Variants in ZNF831 observed in about 807,000 individuals in gnomAD.
ZNF831 encodes zinc finger protein 831.
Under a neutral mutation model 95.8 loss-of-function variants are expected in ZNF831, and 59 were observed. The observed-to-expected ratio is 0.62, with a 90% CI of 0.50 to 0.77. The LOEUF (loss-of-function observed/expected upper bound fraction) is 0.77. Among genes scored for constraint, ZNF831 ranks in the 30% least tolerant of loss-of-function variants. The pLI is 0.00. For missense variants in ZNF831, 2,205 were observed against 2,164.0 expected (o/e 1.02, Z -0.38); for synonymous variants, 961 against 925.5 (o/e 1.04, Z -0.70).
rs1269367788 is a variant in ZNF831 at position 59,193,328 on chromosome 20, G to C, written c.2309G>C (p.Gly770Ala). 1.2e-6 allele frequency: 2 copies of C among 1,613,170 alleles called. No individual in the cohort carries two copies. Among genetic ancestry groups the C allele is most frequent in the Non-Finnish European group, 1.7e-6 (2 of 1,179,598 alleles). The change falls in exon 2 of 6, where the codon GGG becomes GCG. Residue 770 changes from glycine to alanine, a missense_variant. Gly to Ala is a moderately conservative substitution (Grantham distance 60). Transcript: ENST00000371030. ...CCCCCAGCACCTGGCCCCCTCAAAG[G>C]GGGTGATGTAGAGGCTCCCAGGCCA... ...QMPPAPGPLKGGDVEAPRPVW... is the reference protein window; with the variant it reads ...QMPPAPGPLKAGDVEAPRPVW...
rs978862398 is a variant in ZNF831, at chr20:59,194,042, C to A, written c.3023C>A (p.Pro1008His). The A allele has an allele frequency of 1.2e-5, 19 of 1,527,446 alleles. No individual in the cohort carries two copies. Among genetic ancestry groups the A allele is most frequent in the East Asian group, 9.1e-5 (4 of 44,188 alleles). 94.6% of individuals were successfully genotyped at this position (1,527,446 alleles called of 1,614,324 possible). The change falls in exon 2 of 6, where the codon CCC (proline) becomes CAC (histidine). Residue 1008 changes from proline (P) to histidine (H), a missense_variant. By Grantham distance (77) the Pro-to-His change is moderately conservative. Coordinates refer to ENST00000371030, the MANE Select transcript of ZNF831 (RefSeq NM_178457.3). ...GAGGCGGACAGCATCCTGGAGGACC[C>A]CAGCTGTTCCAGGCCACAGGATGGG... ...PGEADSILED[P>H]SCSRPQDGRK... is the part of the protein sequence containing the mutation.
rs61742487 is a variant in ZNF831, at chr20:59,191,166, C to A, written c.147C>A (p.Ala49=). Residue 49 remains alanine, a synonymous_variant, in exon 2 of 6, where the codon GCC becomes GCA. Transcript: ENST00000371030. Reference sequence around the variant, plus strand: ...TTCTGCCGCCAGAGCAGGGCCTGGCCCCCCCCACTGTGTTCCTGAAGGCCC... The same window carrying A: ...TTCTGCCGCCAGAGCAGGGCCTGGCACCCCCCACTGTGTTCCTGAAGGCCC... ...PVLLPPEQGL[A]PPTVFLKALP... is the part of the protein sequence containing the mutation. 6.4e-4 allele frequency: 1,029 copies of A among 1,602,382 alleles called. 6 individuals are homozygous for A. The African/African-American group carries it at 0.011, about 18-fold the overall frequency.
chr20:59,237,929 G>T (rs1409099900), intron 4 of ZNF831, among the ~76,000 whole-genome samples: 1 of 152,126 alleles, frequency 6.6e-6, no homozygotes, highest in Non-Finnish European at 1.5e-5. Context: ...TGGATGGCCA[G>T]ATTTTGCAAA....
chr20:59,162,436 T>C (rs1034481778), upstream of ZNF831, among the ~76,000 whole-genome samples: 4 of 152,198 alleles, frequency 2.6e-5, no homozygotes, highest in African/African-American at 4.8e-5. Flanking sequence ...TTGTATATAT[T>C]GAGAGGTAAG....
chr20:59,195,717 A>G, intron 2 of ZNF831, 152 bp from the exon 3 acceptor site: 1 of 1,457,058 alleles, frequency 6.9e-7, no homozygotes, highest in Non-Finnish European at 9.1e-7. Context: ...TGCCTGGTTG[A>G]ACTTCTCAGG....
intron 4 of ZNF831, among the ~76,000 whole-genome samples, chr20:59,219,476 C>T (rs1485952283): frequency 2.6e-5 from 4 of 152,248 alleles, no homozygotes; most frequent in Middle Eastern, 3.4e-3. Flanking sequence ...GCGGTGAGCT[C>T]GCTGATATGA....
intron 4 of ZNF831, among the ~76,000 whole-genome samples, chr20:59,216,486 C>T (rs141515742): frequency 5.9e-5 from 9 of 152,254 alleles, no homozygotes; most frequent in African/African-American, 1.7e-4. Context: ...GGCGTGATCT[C>T]GGCTCACTGC....
chr20:59,153,222 C>T (rs980144759), intron 2 of ZNF831, among the ~76,000 whole-genome samples: 11 of 152,246 alleles, frequency 7.2e-5, no homozygotes, highest in African/African-American at 1.4e-4. Context: ...GCCGAGCACA[C>T]GTGCATTGGC....
upstream of ZNF831, among the ~76,000 whole-genome samples, chr20:59,162,057 A>T (rs1980905973): frequency 6.6e-6 from 1 of 152,146 alleles, no homozygotes; most frequent in South Asian, 2.1e-4. Context: ...GGCTGCTTGC[A>T]TGTCTTCTTT....
chr20:59,152,589 G>A (rs1980309762), intron 2 of ZNF831, among the ~76,000 whole-genome samples: 1 of 152,212 alleles, frequency 6.6e-6, no homozygotes. Flanking sequence ...CGTTAAGCAA[G>A]TAATGATACA....
intron 2 of ZNF831, among the ~76,000 whole-genome samples, chr20:59,151,415 C>T (rs1601301478): frequency 1.3e-5 from 2 of 152,300 alleles, no homozygotes; most frequent in Admixed American, 6.5e-5. Context: ...CTACTGTGAG[C>T]GTTGACCAGG....
At position 59,150,179 on chromosome 20, in the gene ZNF831, C is replaced by G. The variant is rs550082964; in HGVS notation, c.-1281+3805C>G. Among the ~76,000 whole-genome samples the G allele has an allele frequency of 2.0e-5, 3 of 152,342 alleles. No individual in the cohort carries two copies. In the South Asian group the frequency reaches 6.2e-4, roughly 32 times the overall value. ...CAATTAGGAAACACATGTTCTCTCT[C>G]TCTCCTTCCCTCCCTCTCTCCTCTC... is the stretch of plus-strand genomic sequence containing the variant. On this transcript the variant is annotated intron_variant, in intron 2 of 7. Coordinates refer to the ZNF831 transcript ENST00000637017.
At chr20:59,145,857 C>G (rs903596955) in intron 1 of ZNF831, among the ~76,000 whole-genome samples, 1 of 152,130 alleles carries the variant, frequency 6.6e-6, no homozygotes, top group African/African-American at 2.4e-5. Context: ...GGAGCCCAGA[C>G]AGAGAAATGC....
At chr20:59,251,932 C>T (rs962228737) in intron 4 of ZNF831, among the ~76,000 whole-genome samples, 1 of 152,106 alleles carries the variant, frequency 6.6e-6, no homozygotes, top group Non-Finnish European at 1.5e-5. Flanking sequence ...GAATATTCGC[C>T]TAAATGAAAA....
intron 4 of ZNF831, among the ~76,000 whole-genome samples, chr20:59,225,018 GAA>G (rs201151360): frequency 0.011 from 1,743 of 151,996 alleles, 25 homozygotes; most frequent in Middle Eastern, 0.031. Flanking sequence ...ACTGGTGGGG[GAA>G]AAGCTCTTTA....
At chr20:59,148,609 G>A in intron 2 of ZNF831, among the ~76,000 whole-genome samples, 1 of 120,266 alleles carries the variant, frequency 8.3e-6, no homozygotes. Flanking sequence ...GAACCCGGGA[G>A]GTGGAGCTTG....
In ZNF831 at chr20:59,253,863, C is replaced by CA. The variant is rs759121409; in HGVS notation, c.4189-35_4189-34insA. ...TTTTCTTTGTACCAATTAACCTCCC[C>CA]CCCCACTTTTTTTTTCCTTTGCACT... On this transcript the variant is annotated intron_variant, in intron 5 of 5. Transcript: ENST00000371030. The CA allele has an allele frequency of 2.5e-5, 27 of 1,096,026 alleles. 3 individuals carry two copies. The highest frequency in any genetic ancestry group is 8.6e-5 in the South Asian group (5 of 58,074). 67.9% of individuals were successfully genotyped at this position (1,096,026 alleles called of 1,614,324 possible).
chr20:59,230,459 A>G (rs1384513535), intron 4 of ZNF831, among the ~76,000 whole-genome samples: 2 of 152,144 alleles, frequency 1.3e-5, no homozygotes, highest in African/African-American at 4.8e-5. Flanking sequence ...ATGACAGAAC[A>G]ACAGAGTGAG....
intron 1 of ZNF831, among the ~76,000 whole-genome samples, chr20:59,188,777 G>A (rs2903074): frequency 0.18 from 27,253 of 152,116 alleles, 2,789 homozygotes; most frequent in East Asian, 0.27. Context: ...CTCCCATTCC[G>A]TGGACTGTTT....
Sources: gnomAD v4.1 joint callset for allele counts (sites outside exome capture counted in the v4.1 genomes callset) on GRCh38, gnomAD v4.1.1 for gene constraint, MANE v1.5 for transcripts, NCBI Gene and HGNC (gene_info 2026-07-23, HGNC 2026-07-21) for gene names.